Variants in MCTP1 observed in about 807,000 individuals in gnomAD.
The protein encoded by MCTP1 is multiple C2 and transmembrane domain-containing protein 1.
MCTP1 carries 69 observed loss-of-function variants against 120.6 expected under a neutral mutation model. The ratio of observed to expected loss-of-function variants is 0.57; its 90% CI spans 0.47 to 0.70. The LOEUF (loss-of-function observed/expected upper bound fraction) is 0.70. MCTP1 is among the 30% of genes least tolerant of loss of function. MCTP1 has a pLI of 0.00. For synonymous variants in MCTP1, 529 were observed against 493.1 expected (o/e 1.07, Z -0.96); for missense variants, 1,203 against 1,248.8 (o/e 0.96, Z 0.55).
intron 1 of MCTP1, among the ~76,000 whole-genome samples, chr5:95,090,674 T>A (rs902368077): frequency 1.3e-5 from 2 of 152,180 alleles, no homozygotes; most frequent in African/African-American, 4.8e-5. Flanking sequence ...GTAAAATACT[T>A]AGTTTAAAAA....
chr5:95,149,744 G>A (rs1156919159), intron 1 of MCTP1, among the ~76,000 whole-genome samples: 1 of 152,194 alleles, frequency 6.6e-6, no homozygotes, highest in Non-Finnish European at 1.5e-5. Flanking sequence ...GGACTGTTGG[G>A]CTCCCTGCGG....
chr5:95,060,741 G>T (rs562778676), intron 1 of MCTP1, among the ~76,000 whole-genome samples: 1 of 152,236 alleles, frequency 6.6e-6, no homozygotes, highest in African/African-American at 2.4e-5. Flanking sequence ...GGAGGCTGAG[G>T]TGGGTGGATC....
intron 2 of MCTP1, among the ~76,000 whole-genome samples, chr5:94,974,316 G>A (rs1827573228): frequency 6.6e-6 from 1 of 152,112 alleles, no homozygotes; most frequent in Admixed American, 6.6e-5. Context: ...GGAGGCCACG[G>A]TGGGAGAATT....
rs1260850538 is a variant in MCTP1, at chr5:94,705,159, C to G, written c.*2337G>C. 1 of 151,432 alleles carries G rather than the reference C, an allele frequency of 6.6e-6. No individual in the cohort carries two copies. Among genetic ancestry groups the G allele is most frequent in the African/African-American group, 2.4e-5 (1 of 41,340 alleles). The allele number at this position is 151,432 out of a possible 1,614,324, so 9.4% of individuals were successfully genotyped here. A position where few individuals can be genotyped will look rare whatever the true frequency, so the allele number is the denominator to read the frequency against. On this transcript the variant is annotated 3_prime_UTR_variant, in exon 23 of 23. Coordinates refer to ENST00000515393, the MANE Select transcript of MCTP1 (RefSeq NM_024717.7). The stretch of plus-strand genomic sequence containing the variant: ...CTTAAGAAATATTTACATCACAGAT[C>G]TCAAAATGAAGGCAAGTCAGGCAGC...
intron 1 of MCTP1, among the ~76,000 whole-genome samples, chr5:95,170,664 A>G (rs1382914107): frequency 6.6e-6 from 1 of 152,102 alleles, no homozygotes; most frequent in South Asian, 2.1e-4. Context: ...CCATTATGTA[A>G]TGGCCTTCTT....
At chr5:94,912,428 CAAAAAAAAAAAAAAAAA>C (rs564439495) in intron 9 of MCTP1, among the ~76,000 whole-genome samples, 189 of 31,434 alleles carry the variant, frequency 6.0e-3, no homozygotes, top group African/African-American at 0.02. Context: ...GAGACTCCAT[CAAAAAAAAAAAAAAAAA>C]AAAAAAAAAA....
chr5:94,915,295 C>T (rs1418414781), intron 8 of MCTP1, among the ~76,000 whole-genome samples: 2 of 152,160 alleles, frequency 1.3e-5, no homozygotes, highest in East Asian at 3.9e-4. Context: ...TATTTCTCAT[C>T]TTTATTCCTG....
At chr5:94,974,614 G>A (rs6874512) in intron 2 of MCTP1, among the ~76,000 whole-genome samples, 58,832 of 151,660 alleles carry the variant, frequency 0.39, 11,976 homozygotes, top group Middle Eastern at 0.5. Flanking sequence ...GGATTCATTG[G>A]CTTTGTTAAG....
chr5:94,820,422 T>A (rs923609284), intron 17 of MCTP1, among the ~76,000 whole-genome samples: 1 of 152,164 alleles, frequency 6.6e-6, no homozygotes, highest in Admixed American at 6.5e-5. Flanking sequence ...ATGCCTATGG[T>A]AGTGGGAGTT....
chr5:95,187,567 T>TGG (rs1193004465), intron 1 of MCTP1, among the ~76,000 whole-genome samples: 121 of 152,224 alleles, frequency 7.9e-4, no homozygotes, highest in African/African-American at 2.8e-3. Flanking sequence ...GCCCGGCTAA[T>TGG]TGTTTGATAT....
Position 95,025,362 on chromosome 5 carries a change from C to T in MCTP1, c.721-7878G>A, listed in dbSNP as rs541079759. On this transcript the variant is annotated intron_variant, in intron 1 of 22. Transcript: ENST00000515393. ...AATGGAGTTGGAAAAACTATATATC[C>T]ACCTGCAGACAATGAAAAAAGCTCA... Among the ~76,000 whole-genome samples, 455 of 152,202 alleles carry T rather than the reference C, an allele frequency of 3.0e-3. 2 individuals are homozygous for T. The highest frequency in any genetic ancestry group is 4.8e-3 in the Non-Finnish European group (328 of 68,006).
intron 1 of MCTP1, among the ~76,000 whole-genome samples, chr5:95,020,021 TAAAC>T (rs1359304781): frequency 6.6e-6 from 1 of 152,096 alleles, no homozygotes; most frequent in African/African-American, 2.4e-5. Flanking sequence ...TGTTTCCAAA[TAAAC>T]AAATCTATTC....
chr5:94,760,946 A>C (rs972096972), intron 19 of MCTP1, among the ~76,000 whole-genome samples: 1 of 152,106 alleles, frequency 6.6e-6, no homozygotes, highest in African/African-American at 2.4e-5. Flanking sequence ...CAGCCTCCCA[A>C]AGTGCTGAGA....
chr5:94,915,528 G>T (rs745603274), intron 8 of MCTP1, among the ~76,000 whole-genome samples: 4 of 152,120 alleles, frequency 2.6e-5, no homozygotes, highest in Admixed American at 1.3e-4. Flanking sequence ...GTGCTCTCTA[G>T]AAGCAGTCAA....
chr5:94,853,258 T>C (rs1325706960), intron 17 of MCTP1, among the ~76,000 whole-genome samples: 3 of 151,966 alleles, frequency 2.0e-5, no homozygotes, highest in African/African-American at 7.2e-5. Context: ...TATTCTTACA[T>C]TGAATTCAGC....
chr5:94,860,010 G>T (rs1194159049), intron 17 of MCTP1, among the ~76,000 whole-genome samples: 4 of 151,766 alleles, frequency 2.6e-5, no homozygotes, highest in African/African-American at 9.6e-5. Context: ...AATGCATTAA[G>T]ATTATTTATA....
At chr5:95,282,559 T>C (rs1760412185) in intron 1 of MCTP1, among the ~76,000 whole-genome samples, 1 of 152,222 alleles carries the variant, frequency 6.6e-6, no homozygotes, top group Admixed American at 6.5e-5. Context: ...TTTATCACTT[T>C]ACTTTTAAAA....
chr5:95,077,420 C>A (rs1333277269), intron 1 of MCTP1, among the ~76,000 whole-genome samples: 1 of 151,728 alleles, frequency 6.6e-6, no homozygotes, highest in Non-Finnish European at 1.5e-5. Context: ...ATGTATATAT[C>A]TGCACACATT....
rs149475219 is a variant in MCTP1 at position 95,143,917 on chromosome 5, T to C, written c.721-126433A>G. ...AAATTTATTTTTCTTTGGGTATATA[T>C]TTAGTAATGGGATTGCTGGGTCAAA... On this transcript the variant is annotated intron_variant, in intron 1 of 22. Coordinates refer to ENST00000515393, the MANE Select transcript of MCTP1 (RefSeq NM_024717.7). Among the ~76,000 whole-genome samples the C allele has an allele frequency of 5.3e-4, 80 of 152,294 alleles. 1 individual carries two copies. In the East Asian group the frequency reaches 9.6e-3, roughly 18 times the overall value.
Sources: gnomAD v4.1 joint callset for allele counts (sites outside exome capture counted in the v4.1 genomes callset) on GRCh38, gnomAD v4.1.1 for gene constraint, MANE v1.5 for transcripts, NCBI Gene and HGNC (gene_info 2026-07-23, HGNC 2026-07-21) for gene names.